The following HERPUD1 variants were observed in gnomAD, a reference collection of about 807,000 sequenced individuals.
HERPUD1 encodes the protein homocysteine inducible ER protein with ubiquitin like domain 1, also known as homocysteine-responsive endoplasmic reticulum-resident ubiquitin-like domain member 1 protein.
A neutral mutation model predicts 45.0 loss-of-function variants in HERPUD1; 17 were observed. The ratio of observed to expected loss-of-function variants is 0.38; its 90% CI spans 0.26 to 0.57. HERPUD1 has a LOEUF of 0.57. HERPUD1 is among the 20% of genes least tolerant of loss of function. HERPUD1 has a pLI of 0.72. For synonymous variants in HERPUD1, 164 were observed against 177.5 expected (o/e 0.92, Z 0.61); for missense variants, 420 against 490.5 (o/e 0.86, Z 1.36).
chr16:56,932,486 C>T, intron 1 of HERPUD1, 95 bp downstream of exon 1: 1 of 1,170,068 alleles, frequency 8.5e-7, no homozygotes. Flanking sequence ...GGCCTCCTCC[C>T]GCTGACGGCT....
At chr16:56,935,891 A>G (rs2055862703) in intron 3 of HERPUD1, 1 of 160,190 alleles carries the variant, frequency 6.2e-6, no homozygotes, top group Admixed American at 6.1e-5. Context: ...TTGGATAGGA[A>G]AAGATCAGAG....
chr16:56,941,533 T>A (rs1429246968), intron 6 of HERPUD1: 1 of 152,194 alleles, frequency 6.6e-6, no homozygotes, highest in Non-Finnish European at 1.5e-5. Context: ...GAGTGATGGG[T>A]CTTCGTGGTT....
chr16:56,939,482 C>G, intron 5 of HERPUD1, 123 bp downstream of exon 5: 2 of 1,265,760 alleles, frequency 1.6e-6, no homozygotes, highest in Non-Finnish European at 2.2e-6. Flanking sequence ...CTGCAGAGCC[C>G]TGCTCTGTTT....
At position 56,932,406 on chromosome 16, in the gene HERPUD1, G is replaced by C; in HGVS notation, c.147+15G>C. The C allele has an allele frequency of 6.4e-7, 1 of 1,557,542 alleles. No homozygotes were observed. Among genetic ancestry groups the C allele is most frequent in the Non-Finnish European group, 8.6e-7 (1 of 1,156,480 alleles). On this transcript the variant is annotated intron_variant, in intron 1 of 7. Coordinates refer to ENST00000439977, the MANE Select transcript of HERPUD1 (RefSeq NM_014685.4). ...CCGAGCGTCCGGTGAGAGCGGCCCC[G>C]ACTTCCCGCCCCTAGGCTGTGGCCC...
chr16:56,934,274 A>G (rs1197466064), intron 1 of HERPUD1, among the ~76,000 whole-genome samples: 1 of 152,214 alleles, frequency 6.6e-6, no homozygotes, highest in Non-Finnish European at 1.5e-5. Context: ...TGAGATTTGT[A>G]TAAAAGAGTG....
intron 4 of HERPUD1, chr16:56,937,024 A>G (rs368558408): frequency 3.2e-5 from 13 of 407,762 alleles, no homozygotes; most frequent in East Asian, 1.7e-4. Context: ...TTTAAAAAGT[A>G]GGTAATGCAT....
At chr16:56,933,298 G>T (rs1161522757) in intron 1 of HERPUD1, 1 of 456,026 alleles carries the variant, frequency 2.2e-6, no homozygotes, top group Non-Finnish European at 4.4e-6. Context: ...GTTTCATATG[G>T]TCAAGAATGT....
In HERPUD1 at chr16:56,932,205, C is replaced by T; in HGVS notation, c.-40C>T. ...CGGCTGAGACGCCGCCTGCCTGGCA[C>T]CTAGGAGCGCAGCGGAGCCCCGACA... On this transcript the variant is annotated 5_prime_UTR_variant, in exon 1 of 8. Coordinates refer to ENST00000439977, the MANE Select transcript of HERPUD1 (RefSeq NM_014685.4). 1 of 1,597,418 alleles carries T rather than the reference C, an allele frequency of 6.3e-7. No individual in the cohort carries two copies. The highest frequency in any genetic ancestry group is 1.1e-5 in the South Asian group (1 of 90,144).
rs762062233 is a variant in HERPUD1, at chr16:56,935,221, C to T, written c.148-14C>T. 5 of 1,601,808 alleles carry T rather than the reference C, an allele frequency of 3.1e-6. No individual in the cohort carries two copies. Among genetic ancestry groups the T allele is most frequent in the Non-Finnish European group, 4.3e-6 (5 of 1,169,000 alleles). The stretch of plus-strand genomic sequence containing the variant: ...GAAATGCTGACCTGTGTTACTCTTT[C>T]TTTCCATGATCAGCGTCCAGAGGAC... On this transcript the variant is annotated splice_polypyrimidine_tract_variant and intron_variant, in intron 1 of 7. Coordinates refer to ENST00000439977, the MANE Select transcript of HERPUD1 (RefSeq NM_014685.4).
intron 6 of HERPUD1, chr16:56,940,509 G>A: frequency 2.8e-6 from 1 of 355,972 alleles, no homozygotes; most frequent in Non-Finnish European, 5.2e-6. Context: ...GTTTGGTCAT[G>A]TTGGCCAGGT....
chr16:56,932,146 CAG>C lies in HERPUD1; in HGVS notation c.-95_-94del. ...GCGCCCGAAGCGGGGGCGCGCGCCC[CAG>C]AGACGTGAACTGTCGTTGCAGAGAT... On this transcript the variant is annotated 5_prime_UTR_variant, in exon 1 of 8. Coordinates refer to ENST00000439977, the MANE Select transcript of HERPUD1 (RefSeq NM_014685.4). The C allele has an allele frequency of 6.5e-7, 1 of 1,543,296 alleles. No homozygotes were observed. Among genetic ancestry groups the C allele is most frequent in the Non-Finnish European group, 8.7e-7 (1 of 1,151,012 alleles).
Position 56,939,308 on chromosome 16 carries a change from T to C in HERPUD1, c.503T>C (p.Leu168Pro). 2 of 1,614,260 alleles carry C rather than the reference T, an allele frequency of 1.2e-6. No homozygotes were observed. Among genetic ancestry groups the C allele is most frequent in the Non-Finnish European group, 1.7e-6 (2 of 1,180,050 alleles). ...TCCGGTTACACACCCTATGGGTGGC[T>C]TCAGCTTTCCTGGTTCCAGCAGATA... The part of the protein sequence containing the change: ...GFSGYTPYGW[L>P]QLSWFQQIYA... The change falls in exon 5 of 8, where the codon CTT becomes CCT. Residue 168 changes from leucine to proline, a missense_variant. Transcript: ENST00000439977.
At chr16:56,937,896 G>A (rs1290217229) in intron 4 of HERPUD1, among the ~76,000 whole-genome samples, 20 of 151,722 alleles carry the variant, frequency 1.3e-4, no homozygotes, top group Non-Finnish European at 2.8e-4. Flanking sequence ...AAGATTGTCA[G>A]CATATAAATT....
chr16:56,944,864 A>T lies in HERPUD1; in HGVS notation c.*1574A>T, dbSNP rs2055938262. On this transcript the variant is annotated 3_prime_UTR_variant, in exon 8 of 8. Transcript: ENST00000439977. ...GCAAAATAAATCAGCCTTTTCTATC[A>T]TGATTGTGGTCATTTAAATTAATCC... The T allele has an allele frequency of 6.6e-6, 1 of 152,202 alleles. No homozygotes were observed. The highest frequency in any genetic ancestry group is 1.5e-5 in the Non-Finnish European group (1 of 68,040). 9.4% of individuals were successfully genotyped at this position (152,202 alleles called of 1,614,324 possible). A position where few individuals can be genotyped will look rare whatever the true frequency, so the allele number is the denominator to read the frequency against.
In HERPUD1 at chr16:56,932,228, A is replaced by ACAC; in HGVS notation, c.-15_-13dup. On this transcript the variant is annotated 5_prime_UTR_variant, in exon 1 of 8. Transcript: ENST00000439977. ...CACCTAGGAGCGCAGCGGAGCCCCG[A>ACAC]CACCGCCGCCGCCGCCATGGAGTCC... 2.5e-6 allele frequency: 4 copies of ACAC among 1,603,516 alleles called. No homozygotes were observed. The highest frequency in any genetic ancestry group is 3.4e-6 in the Non-Finnish European group (4 of 1,178,472).
Position 56,944,841 on chromosome 16 carries a change from AAAAT to A in HERPUD1, c.*1556_*1559del, listed in dbSNP as rs1217902351. 1.3e-5 allele frequency: 2 copies of A among 152,202 alleles called. 1 individual carries two copies. The highest frequency in any genetic ancestry group is 2.9e-5 in the Non-Finnish European group (2 of 68,044). The allele number at this position is 152,202 out of a possible 1,614,324, so 9.4% of individuals were successfully genotyped here. A position where few individuals can be genotyped will look rare whatever the true frequency, so the allele number is the denominator to read the frequency against. The stretch of plus-strand genomic sequence containing the variant: ...GTTATGTGTAGGTGTTCTATTTGGC[AAAAT>A]AAATCAGCCTTTTCTATCATGATTG... On this transcript the variant is annotated 3_prime_UTR_variant, in exon 8 of 8. Coordinates refer to ENST00000439977, the MANE Select transcript of HERPUD1 (RefSeq NM_014685.4).
At chr16:56,938,286 G>A (rs967394886) in intron 4 of HERPUD1, among the ~76,000 whole-genome samples, 9 of 151,892 alleles carry the variant, frequency 5.9e-5, no homozygotes, top group South Asian at 2.1e-4. Context: ...GCATTTGGCC[G>A]GGCGCGGTGG....
intron 6 of HERPUD1, chr16:56,941,195 C>T (rs1407818073): frequency 6.6e-6 from 1 of 152,174 alleles, no homozygotes; most frequent in Non-Finnish European, 1.5e-5. Flanking sequence ...TTTATCAGAC[C>T]ACAGCTGCCT....
At position 56,942,138 on chromosome 16, in the gene HERPUD1, C is replaced by T. The variant is rs1041112895; in HGVS notation, c.912C>T (p.His304=). The change falls in exon 7 of 8, where the codon CAC becomes CAT. Residue 304 remains histidine, a synonymous_variant. Transcript: ENST00000439977. The part of the protein sequence containing the change: ...MGATVVMYLH[H]VGWFPFRPRP... ...TTATGTGCTTCCTTTGAAGGCATCA[C>T]GTTGGGTGGTTTCCATTTAGACCGA... The T allele has an allele frequency of 3.1e-6, 5 of 1,613,318 alleles. No homozygotes were observed. Among genetic ancestry groups the T allele is most frequent in the Non-Finnish European group, 4.2e-6 (5 of 1,179,258 alleles).
Sources: gnomAD v4.1 joint callset for allele counts (sites outside exome capture counted in the v4.1 genomes callset) on GRCh38, gnomAD v4.1.1 for gene constraint, MANE v1.5 for transcripts, NCBI Gene and HGNC (gene_info 2026-07-23, HGNC 2026-07-21) for gene names.